Variants in ASTN2 observed in about 807,000 individuals in gnomAD.
ASTN2 encodes the protein astrotactin-2.
In ASTN2, 54 loss-of-function variants were observed where a neutral mutation model predicts 139.8. That is an observed-to-expected ratio of 0.39 (90% confidence interval 0.31 to 0.48). The LOEUF (loss-of-function observed/expected upper bound fraction) is 0.48. Ranked by LOEUF, ASTN2 falls within the 20% of genes least tolerant of loss-of-function variation. ASTN2 has a pLI of 0.95. For synonymous variants in ASTN2, 756 were observed against 719.5 expected (o/e 1.05, Z -0.81); for missense variants, 1,565 against 1,725.1 (o/e 0.91, Z 1.64).
chr9:116,756,760 C>T (rs992393906), intron 13 of ASTN2, among the ~76,000 whole-genome samples: 1 of 119,094 alleles, frequency 8.4e-6, no homozygotes, highest in African/African-American at 3.1e-5. Flanking sequence ...CTATAAGATG[C>T]TCCGAATAAA....
intron 2 of ASTN2, among the ~76,000 whole-genome samples, chr9:117,271,661 G>T (rs923758220): frequency 2.0e-5 from 3 of 152,180 alleles, no homozygotes; most frequent in Non-Finnish European, 4.4e-5. Context: ...GGTAAACACG[G>T]CTGTTCCAAA....
At chr9:116,823,060 T>C (rs986689689) in intron 11 of ASTN2, among the ~76,000 whole-genome samples, 9 of 152,246 alleles carry the variant, frequency 5.9e-5, no homozygotes, top group Admixed American at 3.9e-4. Context: ...AGGCACAGAT[T>C]CTCCTCTAGA....
At chr9:116,818,103 G>C (rs1831387257) in intron 12 of ASTN2, among the ~76,000 whole-genome samples, 1 of 152,026 alleles carries the variant, frequency 6.6e-6, no homozygotes, top group African/African-American at 2.4e-5. Flanking sequence ...ATCGCTTGTA[G>C]AATTGTTATG....
At chr9:117,279,416 T>C (rs1240562363) in intron 2 of ASTN2, among the ~76,000 whole-genome samples, 1 of 152,220 alleles carries the variant, frequency 6.6e-6, no homozygotes, top group Non-Finnish European at 1.5e-5. Context: ...ATAGTATCAT[T>C]AATACAACAT....
At chr9:117,023,154 A>G (rs1334801677) in intron 6 of ASTN2, among the ~76,000 whole-genome samples, 1 of 152,124 alleles carries the variant, frequency 6.6e-6, no homozygotes, top group Non-Finnish European at 1.5e-5. Context: ...TGGAGCAGAC[A>G]GTACAGGTCC....
At chr9:117,122,544 G>A (rs1341185804) in intron 4 of ASTN2, among the ~76,000 whole-genome samples, 6 of 152,182 alleles carry the variant, frequency 3.9e-5, no homozygotes, top group Non-Finnish European at 8.8e-5. Flanking sequence ...CCACTGCTAA[G>A]CAATGGGCAG....
intron 1 of ASTN2, among the ~76,000 whole-genome samples, chr9:117,357,884 T>G (rs185082220): frequency 6.6e-6 from 1 of 152,284 alleles, no homozygotes; most frequent in East Asian, 1.9e-4. Context: ...ACAGAGTACC[T>G]GAATGGTGAT....
At chr9:117,206,666 G>A (rs937437874) in intron 3 of ASTN2, among the ~76,000 whole-genome samples, 2 of 152,144 alleles carry the variant, frequency 1.3e-5, no homozygotes, top group African/African-American at 4.8e-5. Context: ...AAAACTGGCT[G>A]TGACTCTTGT....
intron 19 of ASTN2, among the ~76,000 whole-genome samples, chr9:116,539,983 T>C (rs982553446): frequency 2.6e-5 from 4 of 152,250 alleles, no homozygotes; most frequent in African/African-American, 9.6e-5. Flanking sequence ...TCAGTTGGCA[T>C]CATTTTCTTT....
rs189697673 is a variant in ASTN2, at chr9:116,731,524, G to T, written c.2521+1875C>A. 3.5e-3 allele frequency among the ~76,000 whole-genome samples: 534 copies of T among 152,222 alleles called. 4 individuals are homozygous for T. Among genetic ancestry groups the T allele is most frequent in the African/African-American group, 0.01 (427 of 41,528 alleles). On this transcript the variant is annotated intron_variant, in intron 14 of 22. Transcript: ENST00000313400. ...TGCAACCTCCACCTCCTGGGTTCAA[G>T]TGATTCTCCTGCCTCGGCCTCTTGA...
chr9:117,011,753 G>A (rs1360345122), intron 6 of ASTN2, among the ~76,000 whole-genome samples: 1 of 152,174 alleles, frequency 6.6e-6, no homozygotes, highest in Non-Finnish European at 1.5e-5. Context: ...AATTGAACAT[G>A]AGGTTCAGAG....
At chr9:116,799,106 GA>G (rs1830775129) in intron 13 of ASTN2, among the ~76,000 whole-genome samples, 1 of 141,438 alleles carries the variant, frequency 7.1e-6, no homozygotes, top group Admixed American at 7.1e-5. Flanking sequence ...AGGTGGAAGG[GA>G]GGGGAAAGAA....
chr9:117,127,828 C>T (rs1829731676), intron 4 of ASTN2, among the ~76,000 whole-genome samples: 1 of 151,622 alleles, frequency 6.6e-6, no homozygotes, highest in Admixed American at 6.6e-5. Flanking sequence ...CTACACGTGC[C>T]CGCCACCACG....
rs750256476 is a variant in ASTN2 at position 116,425,933 on chromosome 9, A to G, written c.3938T>C (p.Ile1313Thr). 7 of 1,614,124 alleles carry G rather than the reference A, an allele frequency of 4.3e-6. No individual in the cohort carries two copies. Among genetic ancestry groups the G allele is most frequent in the Non-Finnish European group, 4.2e-6 (5 of 1,180,032 alleles). Residue 1313 changes from isoleucine (I) to threonine (T), a missense_variant, in exon 23 of 23, where the codon ATC (isoleucine) becomes ACC (threonine). By Grantham distance (89) the Ile-to-Thr change is moderately conservative (BLOSUM62 -1). This residue lies in a region of ASTN2 where 418 missense variants were observed against 465.8 expected (regional missense o/e 0.90). Transcript: ENST00000313400. ...VRPAGMVWYS[I>T]LKDTKITCEE... ...ACACGTGATTTTGGTGTCCTTGAGG[A>G]TGCTATACCACACCATGCCTGCAGG...
At chr9:116,476,103 C>T (rs1848972365) in intron 20 of ASTN2, among the ~76,000 whole-genome samples, 1 of 152,178 alleles carries the variant, frequency 6.6e-6, no homozygotes, top group Non-Finnish European at 1.5e-5. Flanking sequence ...GCCATGCTTC[C>T]TCTGAAGGCT....
chr9:116,568,924 G>A (rs970027918), intron 19 of ASTN2: 1 of 152,054 alleles, frequency 6.6e-6, no homozygotes, highest in Non-Finnish European at 1.5e-5. Flanking sequence ...TATCCTTTAG[G>A]CAAGGTGAGG....
intron 16 of ASTN2, among the ~76,000 whole-genome samples, chr9:116,667,023 T>C (rs1021617990): frequency 2.0e-5 from 3 of 150,210 alleles, no homozygotes; most frequent in African/African-American, 7.4e-5. Flanking sequence ...CGGTGTGATC[T>C]TGGCTCACTG....
At chr9:116,961,153 T>C (rs1407099783) in intron 10 of ASTN2, among the ~76,000 whole-genome samples, 1 of 151,906 alleles carries the variant, frequency 6.6e-6, no homozygotes, top group East Asian at 1.9e-4. Flanking sequence ...CCCAAAACCA[T>C]TCTTTTTTCT....
Position 116,699,062 on chromosome 9 carries a change from G to T in ASTN2, c.2806+26709C>A. ...TCTCAGTGGCAATGAACTGCCAGGGGCTGATTGGTGTGACTGACAGCTATG... is the reference window on the plus strand; with the variant it reads ...TCTCAGTGGCAATGAACTGCCAGGGTCTGATTGGTGTGACTGACAGCTATG... On this transcript the variant is annotated intron_variant, in intron 16 of 22. Coordinates refer to ENST00000313400, the MANE Select transcript of ASTN2 (RefSeq NM_001365068.1). The surrounding 1 kb of genome is among the most constrained non-coding windows in gnomAD (Gnocchi z 4.2). 1.2e-6 allele frequency: 2 copies of T among 1,614,154 alleles called. No individual in the cohort carries two copies. The highest frequency in any genetic ancestry group is 8.5e-7 in the Non-Finnish European group (1 of 1,179,996).
Sources: allele counts gnomAD v4.1 joint callset (sites outside exome capture counted in the v4.1 genomes callset), GRCh38; gene constraint gnomAD v4.1.1; regional missense constraint gnomAD v4.1.1; non-coding constraint Gnocchi (gnomAD v3.1); transcripts MANE v1.5; gene names NCBI Gene and HGNC (gene_info 2026-07-23, HGNC 2026-07-21).